The following MYLK4 variants were observed in gnomAD, a reference collection of about 807,000 sequenced individuals.
MYLK4 encodes the protein caMLCK like.
Under a neutral mutation model 48.1 loss-of-function variants are expected in MYLK4, and 46 were observed. The observed-to-expected ratio is 0.96, with a 90% CI of 0.75 to 1.22. MYLK4 has a LOEUF of 1.22. Among genes scored for constraint, MYLK4 ranks in the 50% most tolerant of loss-of-function variants. The pLI is 0.00. For missense variants in MYLK4, 451 were observed against 486.1 expected (o/e 0.93, Z 0.68); for synonymous variants, 170 against 180.8 (o/e 0.94, Z 0.48).
intron 2 of MYLK4, among the ~76,000 whole-genome samples, chr6:2,706,337 C>G (rs1225557229): frequency 2.0e-5 from 3 of 150,286 alleles, no homozygotes; most frequent in South Asian, 2.1e-4. Flanking sequence ...CGTTATTCGT[C>G]ACTCTAAAGT....
chr6:2,764,577 TG>T, the MYLK4 span, among the ~76,000 whole-genome samples: 1 of 104,848 alleles, frequency 9.5e-6, no homozygotes, highest in Admixed American at 9.7e-5. Context: ...AAAAATAACA[TG>T]GTAATTCATT....
chr6:2,726,705 C>T (rs1329402887), intron 2 of MYLK4, among the ~76,000 whole-genome samples: 5 of 151,334 alleles, frequency 3.3e-5, no homozygotes, highest in African/African-American at 9.7e-5. Context: ...CTCTGCCTCC[C>T]GGCTTCCAGC....
the MYLK4 span, among the ~76,000 whole-genome samples, chr6:2,762,288 T>C: frequency 1.2e-4 from 18 of 152,238 alleles, no homozygotes. Context: ...AAGTTGGACG[T>C]AAAATTAGGT....
the MYLK4 span, chr6:2,765,603 C>G: frequency 1.3e-6 from 2 of 1,494,654 alleles, no homozygotes; most frequent in South Asian, 2.4e-5. Flanking sequence ...CGCCGGGCGC[C>G]GGGGAGGGCG....
intron 2 of MYLK4, among the ~76,000 whole-genome samples, chr6:2,697,751 T>C (rs1029645097): frequency 1.3e-5 from 2 of 152,250 alleles, no homozygotes; most frequent in Admixed American, 6.5e-5. Flanking sequence ...ACCTCAACAA[T>C]GCCACCATCG....
At chr6:2,766,083 C>T in the MYLK4 span, 11 of 1,300,404 alleles carry the variant, frequency 8.5e-6, no homozygotes, top group Admixed American at 2.1e-4. Flanking sequence ...AGCGCGTCTC[C>T]GCGCAGCTGG....
chr6:2,746,886 C>T (rs1035999905), intron 2 of MYLK4, among the ~76,000 whole-genome samples: 1 of 152,252 alleles, frequency 6.6e-6, no homozygotes, highest in African/African-American at 2.4e-5. Flanking sequence ...TCCACCCACC[C>T]GCTGCCAAGC....
At chr6:2,696,544 G>A (rs1405667599) in intron 2 of MYLK4, among the ~76,000 whole-genome samples, 50 of 152,192 alleles carry the variant, frequency 3.3e-4, no homozygotes, top group Non-Finnish European at 4.4e-5. Flanking sequence ...GCCCTCGCCA[G>A]GCCCTGGATC....
chr6:2,678,249 G>A lies in MYLK4; in HGVS notation c.1011C>T (p.Phe337=). 1 of 1,614,096 alleles carries A rather than the reference G, an allele frequency of 6.2e-7. No homozygotes were observed. Among genetic ancestry groups the A allele is most frequent in the South Asian group, 1.1e-5 (1 of 91,048 alleles). Residue 337 remains phenylalanine (F), a synonymous_variant, in exon 10 of 13, where the codon TTC becomes TTT. Coordinates refer to ENST00000274643, the MANE Select transcript of MYLK4 (RefSeq NM_001012418.5). The part of the protein sequence containing the change: ...FQDISEEAKE[F]ISKLLIKEKS... The stretch of plus-strand genomic sequence containing the variant: ...TCTCCTTAATCAGAAGCTTAGAGAT[G>A]AACTCCTTGGCCTCCTCCGAGATGT...
At chr6:2,682,649 A>G (rs927724602) in intron 7 of MYLK4, among the ~76,000 whole-genome samples, 2 of 152,174 alleles carry the variant, frequency 1.3e-5, no homozygotes, top group African/African-American at 4.8e-5. Flanking sequence ...GGAAAGGTTG[A>G]CTACTACTTA....
intron 2 of MYLK4, among the ~76,000 whole-genome samples, chr6:2,744,783 C>T (rs1414033240): frequency 1.3e-5 from 2 of 152,164 alleles, no homozygotes; most frequent in East Asian, 1.9e-4. Flanking sequence ...TGGGATACCC[C>T]CTGGTTGGGA....
At chr6:2,762,824 G>A in the MYLK4 span, among the ~76,000 whole-genome samples, 17 of 152,236 alleles carry the variant, frequency 1.1e-4, no homozygotes, top group East Asian at 3.1e-3. Context: ...GAGGTCTTAG[G>A]TCAGCATCTC....
chr6:2,685,768 G>C lies in MYLK4; in HGVS notation c.342-192C>G, dbSNP rs1277394097. 1.3e-5 allele frequency among the ~76,000 whole-genome samples: 2 copies of C among 152,010 alleles called. No individual in the cohort carries two copies. Among genetic ancestry groups the C allele is most frequent in the Non-Finnish European group, 2.9e-5 (2 of 67,982 alleles). ...TCACTTGCATCAGAATCACCTGGGA[G>C]CTGTTAAGAAAGCAGGTCTCGGCCG... On this transcript the variant is annotated intron_variant, in intron 4 of 12. Transcript: ENST00000274643. The surrounding 1 kb of genome is among the most constrained non-coding windows in gnomAD (Gnocchi z 4.5).
At chr6:2,763,149 G>A in the MYLK4 span, among the ~76,000 whole-genome samples, 14 of 152,328 alleles carry the variant, frequency 9.2e-5, no homozygotes, top group Non-Finnish European at 1.9e-4. Context: ...TTGACAGGGT[G>A]CTGATTGGTG....
At chr6:2,759,592 C>T in the MYLK4 span, among the ~76,000 whole-genome samples, 1 of 152,112 alleles carries the variant, frequency 6.6e-6, no homozygotes, top group South Asian at 2.1e-4. Flanking sequence ...CCTTTCTGTT[C>T]CTTGTATTTT....
intron 2 of MYLK4, among the ~76,000 whole-genome samples, chr6:2,699,974 C>G (rs1762227347): frequency 6.6e-6 from 1 of 152,154 alleles, no homozygotes; most frequent in African/African-American, 2.4e-5. Flanking sequence ...TTAAAATGAA[C>G]AAATTAAGAA....
chr6:2,754,014 AAGAC>A (rs1477665548), upstream of MYLK4, among the ~76,000 whole-genome samples: 4 of 151,540 alleles, frequency 2.6e-5, no homozygotes, highest in African/African-American at 9.7e-5. Context: ...AAAAAAAAAA[AAGAC>A]AGAGAAAAGC....
In MYLK4 at chr6:2,674,938, G is replaced by C. The variant is rs574240106; in HGVS notation, c.1119+109C>G. On this transcript the variant is annotated intron_variant, in intron 11 of 12. Transcript: ENST00000274643. ...ACTGCACAAGATTTGCAGTCTGTGA[G>C]AAAAAGAATGAGAAAGAATCTTATT... 186 of 847,842 alleles carry C rather than the reference G, an allele frequency of 2.2e-4. 1 individual carries two copies. In the African/African-American group the frequency reaches 2.9e-3, roughly 13 times the overall value. The allele number at this position is 847,842 out of a possible 1,614,324, so 52.5% of individuals were successfully genotyped here.
chr6:2,703,665 C>CTTTTTTTTT lies in MYLK4; in HGVS notation c.160-10815_160-10807dup, dbSNP rs3055234. Among the ~76,000 whole-genome samples the CTTTTTTTTT allele has an allele frequency of 2.5e-3, 239 of 95,126 alleles. 12 individuals carry two copies. The highest frequency in any genetic ancestry group is 0.011 in the Middle Eastern group (1 of 88). 62.4% of individuals were successfully genotyped at this position (95,126 alleles called of 152,430 possible). ...TCAGGAAGGTTTCCCTTTGTGAATT[C>CTTTTTTTTT]TTTTTTTTTTTTTTTTTTTTTTTTG... is the stretch of plus-strand genomic sequence containing the variant. On this transcript the variant is annotated intron_variant, in intron 2 of 12. Coordinates refer to ENST00000274643, the MANE Select transcript of MYLK4 (RefSeq NM_001012418.5).
Sources: gnomAD v4.1 joint callset for allele counts (sites outside exome capture counted in the v4.1 genomes callset) on GRCh38, gnomAD v4.1.1 for gene constraint, Gnocchi (gnomAD v3.1) non-coding constraint, MANE v1.5 for transcripts, NCBI Gene and HGNC (gene_info 2026-07-23, HGNC 2026-07-21) for gene names.